COL25A1: variants seen among roughly 807,000 people sequenced by gnomAD.
COL25A1 encodes the protein collagen type XXV alpha 1 chain, also known as collagen alpha-1(XXV) chain.
In COL25A1, 103 loss-of-function variants were observed where a neutral mutation model predicts 128.4. The observed-to-expected ratio is 0.80, with a 90% CI of 0.68 to 0.94. The LOEUF (loss-of-function observed/expected upper bound fraction) is 0.94, where lower values mean the gene tolerates loss of function less well. COL25A1 is among the 40% of genes least tolerant of loss of function. The probability of loss-of-function intolerance (pLI) is 0.00; values close to 1 mark genes in which losing one functional copy is unlikely to be tolerated. For synonymous variants in COL25A1, 279 were observed against 277.2 expected, an observed-to-expected ratio of 1.01 and a Z score of -0.06; for missense variants, 745 against 840.0, an observed-to-expected ratio of 0.89 and a Z score of 1.40.
At chr4:109,071,324 G>C (rs1215714185) in intron 3 of COL25A1, among the ~76,000 whole-genome samples, 2 of 152,092 alleles carry the variant, frequency 1.3e-5, no homozygotes, top group East Asian at 1.9e-4. Context: ...TTACATGTTA[G>C]ACCTAAAACC....
At chr4:108,915,146 CT>C (rs1162426883) in intron 13 of COL25A1, among the ~76,000 whole-genome samples, 1 of 152,188 alleles carries the variant, frequency 6.6e-6, no homozygotes, top group Non-Finnish European at 1.5e-5. Flanking sequence ...ATAAGCAGTC[CT>C]TTCTCCTAAT....
intron 5 of COL25A1, among the ~76,000 whole-genome samples, chr4:109,046,978 T>C (rs1760484853): frequency 6.6e-6 from 1 of 152,170 alleles, no homozygotes; most frequent in African/African-American, 2.4e-5. Flanking sequence ...GCTGACAAGA[T>C]AATCTGTTCC....
At chr4:109,103,938 G>T (rs956746468) in intron 3 of COL25A1, among the ~76,000 whole-genome samples, 1 of 152,120 alleles carries the variant, frequency 6.6e-6, no homozygotes, top group Admixed American at 6.5e-5. Flanking sequence ...TAAAGAAAAA[G>T]ACTTAAATGG....
chr4:109,010,369 G>C lies in COL25A1; in HGVS notation c.427C>G (p.Pro143Ala), dbSNP rs998457308. The C allele has an allele frequency of 1.3e-6, 2 of 1,575,524 alleles. No homozygotes were observed. The highest frequency in any genetic ancestry group is 2.8e-5 in the African/African-American group (2 of 72,252). ...RRGESGPPGQ[P>A]GPQGPPGPKG... ...AAGAATTACCTTACCTGAGGACCAG[G>C]CTGTCCCTGAAATTAAAAAGAAAAA... Residue 143 changes from proline to alanine, a missense_variant, in exon 6 of 38, where the codon CCT becomes GCT. Coordinates refer to ENST00000399132, the MANE Select transcript of COL25A1 (RefSeq NM_198721.4).
chr4:109,218,020 G>C (rs1431769588), intron 3 of COL25A1, among the ~76,000 whole-genome samples: 4 of 152,012 alleles, frequency 2.6e-5, no homozygotes, highest in African/African-American at 9.7e-5. Flanking sequence ...TTTGTGCTGT[G>C]GCGATCTGGC....
At chr4:108,841,013 G>A (rs1409167740) in intron 31 of COL25A1, among the ~76,000 whole-genome samples, 1 of 152,156 alleles carries the variant, frequency 6.6e-6, no homozygotes, top group African/African-American at 2.4e-5. Flanking sequence ...TCCCTGAAAG[G>A]GGGACCTTGT....
At chr4:109,028,582 T>C (rs1248763405) in intron 5 of COL25A1, among the ~76,000 whole-genome samples, 1 of 151,980 alleles carries the variant, frequency 6.6e-6, no homozygotes, top group East Asian at 1.9e-4. Context: ...AAAAATTAGC[T>C]GGGCATGGTG....
intron 31 of COL25A1, among the ~76,000 whole-genome samples, chr4:108,833,597 G>A (rs528894788): frequency 6.6e-6 from 1 of 152,320 alleles, no homozygotes; most frequent in South Asian, 2.1e-4. Context: ...ATTTGCAAAT[G>A]TAGGAACTAT....
chr4:109,129,925 G>A (rs891417226), intron 3 of COL25A1, among the ~76,000 whole-genome samples: 18 of 151,300 alleles, frequency 1.2e-4, no homozygotes, highest in South Asian at 2.1e-4. Flanking sequence ...TGGGTGCAGC[G>A]CACCAGCATG....
intron 3 of COL25A1, among the ~76,000 whole-genome samples, chr4:109,225,019 A>T (rs1219559971): frequency 6.6e-6 from 1 of 152,172 alleles, no homozygotes; most frequent in Admixed American, 6.5e-5. Context: ...TGACTTAATC[A>T]GCCTAGAGTA....
chr4:108,963,315 G>T (rs938454638), intron 8 of COL25A1, among the ~76,000 whole-genome samples: 1 of 152,098 alleles, frequency 6.6e-6, no homozygotes, highest in Non-Finnish European at 1.5e-5. Context: ...CAAAAATAAT[G>T]GTGGTAATAA....
chr4:109,203,813 G>A (rs917660760), intron 3 of COL25A1, among the ~76,000 whole-genome samples: 1 of 152,084 alleles, frequency 6.6e-6, no homozygotes, highest in Non-Finnish European at 1.5e-5. Flanking sequence ...CCACTTAATT[G>A]TAATAAAATC....
At chr4:109,069,072 A>G (rs2125979833) in intron 3 of COL25A1, among the ~76,000 whole-genome samples, 2 of 151,972 alleles carry the variant, frequency 1.3e-5, no homozygotes, top group South Asian at 4.2e-4. Flanking sequence ...TAATTTAACC[A>G]CTCTATAAAA....
At chr4:109,094,819 A>G (rs1284313752) in intron 3 of COL25A1, among the ~76,000 whole-genome samples, 4 of 152,250 alleles carry the variant, frequency 2.6e-5, no homozygotes, top group Admixed American at 6.5e-5. Context: ...TCTTTAAGTC[A>G]TCTGATGAGT....
chr4:108,938,735 T>C (rs1747729398), intron 10 of COL25A1, among the ~76,000 whole-genome samples: 3 of 152,166 alleles, frequency 2.0e-5, no homozygotes, highest in Admixed American at 6.5e-5. Context: ...TGGGCACCTG[T>C]AGTCCCAGCT....
intron 6 of COL25A1, among the ~76,000 whole-genome samples, chr4:108,990,479 A>C (rs1754123547): frequency 6.6e-6 from 1 of 151,926 alleles, no homozygotes; most frequent in African/African-American, 2.4e-5. Flanking sequence ...ATTTACATAG[A>C]GGGTCTTATG....
intron 3 of COL25A1, among the ~76,000 whole-genome samples, chr4:109,133,223 T>G (rs1164466458): frequency 6.6e-6 from 1 of 152,056 alleles, no homozygotes; most frequent in Non-Finnish European, 1.5e-5. Flanking sequence ...ACAATTTTAG[T>G]TTAAGTATTG....
At chr4:109,200,804 T>G (rs1172453251) in intron 3 of COL25A1, among the ~76,000 whole-genome samples, 2 of 152,106 alleles carry the variant, frequency 1.3e-5, no homozygotes, top group Non-Finnish European at 2.9e-5. Context: ...TTTCTCTATG[T>G]GTAAGTATGC....
chr4:109,000,056 G>A (rs1459592464), intron 6 of COL25A1, among the ~76,000 whole-genome samples: 1 of 151,992 alleles, frequency 6.6e-6, no homozygotes, highest in South Asian at 2.1e-4. Context: ...CATGGCACAT[G>A]TATACCTATG....
Sources: allele counts gnomAD v4.1 joint callset (sites outside exome capture counted in the v4.1 genomes callset), GRCh38; gene constraint gnomAD v4.1.1; transcripts MANE v1.5; gene names NCBI Gene and HGNC (gene_info 2026-07-23, HGNC 2026-07-21).